The following TEAD1 variants were observed in gnomAD, a reference collection of about 807,000 sequenced individuals.
TEAD1 encodes the protein transcriptional enhancer factor TEF-1.
TEAD1 carries 9 observed loss-of-function variants against 54.9 expected under a neutral mutation model. The observed-to-expected ratio is 0.16, with a 90% CI of 0.10 to 0.29. The LOEUF is 0.29. Among genes scored for constraint, TEAD1 ranks in the 10% least tolerant of loss-of-function variants. The probability of loss-of-function intolerance (pLI) is 1.00; values close to 1 mark genes in which losing one functional copy is unlikely to be tolerated. For missense variants in TEAD1, 387 were observed against 535.9 expected (o/e 0.72, Z 2.74); for synonymous variants, 200 against 187.8 (o/e 1.07, Z -0.53).
intron 2 of TEAD1, among the ~76,000 whole-genome samples, chr11:12,740,450 G>C (rs1944627706): frequency 6.6e-6 from 1 of 152,160 alleles, no homozygotes; most frequent in African/African-American, 2.4e-5. Flanking sequence ...ATTGTCACTA[G>C]ACATAAAGTT....
At chr11:12,823,430 A>G (rs1946590990) in intron 3 of TEAD1, 1 of 152,150 alleles carries the variant, frequency 6.6e-6, no homozygotes, top group Admixed American at 6.5e-5. Flanking sequence ...CTAGTCCCTG[A>G]AGGCGTTTGG....
At chr11:12,927,332 A>G (rs1349625257) in intron 11 of TEAD1, among the ~76,000 whole-genome samples, 1 of 152,176 alleles carries the variant, frequency 6.6e-6, no homozygotes, top group Non-Finnish European at 1.5e-5. Context: ...AGTTAAACAG[A>G]TCTGTCCCCT....
chr11:12,753,485 G>C (rs1211757351), intron 2 of TEAD1, among the ~76,000 whole-genome samples: 1 of 152,084 alleles, frequency 6.6e-6, no homozygotes, highest in Non-Finnish European at 1.5e-5. Flanking sequence ...GTATCACATT[G>C]TTTTAATTTG....
rs1382343639 is a variant in TEAD1 at position 12,943,095 on chromosome 11, A to G, written c.*5873A>G. 1 of 152,218 alleles carries G rather than the reference A, an allele frequency of 6.6e-6. No homozygotes were observed. Among genetic ancestry groups the G allele is most frequent in the Non-Finnish European group, 1.5e-5 (1 of 68,038 alleles). 9.4% of individuals were successfully genotyped at this position (152,218 alleles called of 1,614,324 possible). ...TAATACATACGTTCTGTGTGTCTCT[A>G]CCTGGCGTCTTTAAGAATATCCTCT... On this transcript the variant is annotated 3_prime_UTR_variant, in exon 13 of 13. Coordinates refer to ENST00000527636, the MANE Select transcript of TEAD1 (RefSeq NM_021961.6).
At chr11:12,760,732 G>A (rs1008732592) in intron 2 of TEAD1, among the ~76,000 whole-genome samples, 10 of 152,164 alleles carry the variant, frequency 6.6e-5, no homozygotes, top group African/African-American at 2.2e-4. Flanking sequence ...CTCCTACAGC[G>A]TGGTTGATAC....
At chr11:12,900,747 TC>T (rs747751225) in intron 9 of TEAD1, among the ~76,000 whole-genome samples, 12 of 152,336 alleles carry the variant, frequency 7.9e-5, no homozygotes, top group Middle Eastern at 3.4e-3. Context: ...AGTTGGGACT[TC>T]CTGTGGAATA....
intron 3 of TEAD1, among the ~76,000 whole-genome samples, chr11:12,786,267 A>G (rs897089818): frequency 2.0e-5 from 3 of 152,306 alleles, no homozygotes; most frequent in Non-Finnish European, 4.4e-5. Context: ...CTCGGACTGC[A>G]CTGGCTTGTT....
chr11:12,792,121 T>C (rs2133962784), intron 3 of TEAD1, among the ~76,000 whole-genome samples: 1 of 152,234 alleles, frequency 6.6e-6, no homozygotes, highest in African/African-American at 2.4e-5. Flanking sequence ...TGGAGACTAT[T>C]TGAGATCACC....
chr11:12,677,798 C>G (rs574895085), intron 2 of TEAD1, among the ~76,000 whole-genome samples: 5 of 152,254 alleles, frequency 3.3e-5, no homozygotes, highest in African/African-American at 1.2e-4. Context: ...AGGTTGGTTG[C>G]TTCAGAAATG....
intron 3 of TEAD1, among the ~76,000 whole-genome samples, chr11:12,792,240 C>G (rs889470866): frequency 6.6e-6 from 1 of 151,500 alleles, no homozygotes; most frequent in Admixed American, 6.6e-5. Context: ...TAATAACTCT[C>G]TGTTCTGGGA....
At chr11:12,693,432 TC>T (rs1943506183) in intron 2 of TEAD1, among the ~76,000 whole-genome samples, 1 of 152,240 alleles carries the variant, frequency 6.6e-6, no homozygotes, top group African/African-American at 2.4e-5. Flanking sequence ...CTTCTGTACA[TC>T]CTGGATATTT....
chr11:12,736,411 A>G (rs1337195560), intron 2 of TEAD1, among the ~76,000 whole-genome samples: 1 of 152,260 alleles, frequency 6.6e-6, no homozygotes, highest in East Asian at 1.9e-4. Flanking sequence ...AAGAAAAAAT[A>G]GGGATTTAAA....
At chr11:12,796,534 T>C (rs1216498611) in intron 3 of TEAD1, among the ~76,000 whole-genome samples, 1 of 150,498 alleles carries the variant, frequency 6.6e-6, no homozygotes, top group African/African-American at 2.4e-5. Context: ...GAGACCAGCC[T>C]GGGCAATGTG....
chr11:12,794,769 T>G (rs572542107), intron 3 of TEAD1, among the ~76,000 whole-genome samples: 1 of 152,336 alleles, frequency 6.6e-6, no homozygotes, highest in African/African-American at 2.4e-5. Context: ...TGGGCCCAGC[T>G]GCTGTGGCTG....
chr11:12,813,010 G>A (rs112959071), intron 3 of TEAD1, among the ~76,000 whole-genome samples: 11 of 152,238 alleles, frequency 7.2e-5, no homozygotes, highest in Non-Finnish European at 1.5e-4. Flanking sequence ...GAGAATGTCC[G>A]TGAGCAGAAT....
Position 12,776,089 on chromosome 11 carries a change from G to A in TEAD1, c.202+11655G>A, listed in dbSNP as rs533775433. 3.5e-4 allele frequency among the ~76,000 whole-genome samples: 53 copies of A among 152,252 alleles called. No individual in the cohort carries two copies. The South Asian group carries it at 0.011, about 31-fold the overall frequency. ...GGTGGCTGAGGTATCAAGCTCAGGG[G>A]ACAGGTGGTCAGAGAGTGGCAGTGC... On this transcript the variant is annotated intron_variant, in intron 3 of 12. Transcript: ENST00000527636.
At chr11:12,898,362 A>G (rs10500766) in intron 9 of TEAD1, among the ~76,000 whole-genome samples, 12,890 of 151,626 alleles carry the variant, frequency 0.085, 1,053 homozygotes, top group East Asian at 0.46. Flanking sequence ...AACTATAACA[A>G]TGGTCATCTT....
intron 9 of TEAD1, among the ~76,000 whole-genome samples, chr11:12,886,256 C>G (rs942764294): frequency 6.6e-6 from 1 of 152,186 alleles, no homozygotes; most frequent in Non-Finnish European, 1.5e-5. Context: ...CAGGTACGTT[C>G]AGGATACATA....
chr11:12,820,907 A>T (rs567945760), intron 3 of TEAD1, among the ~76,000 whole-genome samples: 128 of 152,370 alleles, frequency 8.4e-4, no homozygotes, highest in African/African-American at 2.9e-3. Flanking sequence ...GGCATATTGT[A>T]CATCCCAGTC....
Sources: gnomAD v4.1 joint callset for allele counts (sites outside exome capture counted in the v4.1 genomes callset) on GRCh38, gnomAD v4.1.1 for gene constraint, MANE v1.5 for transcripts, NCBI Gene and HGNC (gene_info 2026-07-23, HGNC 2026-07-21) for gene names.